DNAH9: variants seen among roughly 807,000 people sequenced by gnomAD.
DNAH9 encodes dynein axonemal heavy chain 9.
In DNAH9, 345 loss-of-function variants were observed where a neutral mutation model predicts 471.6. The observed-to-expected ratio is 0.73, with a 90% CI of 0.67 to 0.80. DNAH9 has a LOEUF of 0.80. DNAH9 is among the 30% of genes least tolerant of loss of function. DNAH9 has a pLI of 0.00. For synonymous variants in DNAH9, 2,093 were observed against 2,123.6 expected (o/e 0.99, Z 0.40); for missense variants, 5,407 against 5,609.2 (o/e 0.96, Z 1.15).
intron 9 of DNAH9, 35 bp downstream of exon 9, chr17:11,636,819 T>A (rs556895264): frequency 2.5e-6 from 4 of 1,597,336 alleles, no homozygotes; most frequent in Non-Finnish European, 3.4e-6. Context: ...ATGGGGACAT[T>A]CTGTTACTGG....
At chr17:11,880,349 G>A in intron 54 of DNAH9, 149 bp downstream of exon 54, 3 of 1,061,644 alleles carry the variant, frequency 2.8e-6, no homozygotes, top group Non-Finnish European at 2.6e-6. Flanking sequence ...CTTTCTTCCA[G>A]CAGAGGTCTA....
intron 59 of DNAH9, 87 bp from the exon 60 acceptor site, chr17:11,902,632 A>C (rs994962859): frequency 8.4e-7 from 1 of 1,195,802 alleles, no homozygotes; most frequent in Non-Finnish European, 1.2e-6. Context: ...TGTGTAGATA[A>C]GACCATCTGG....
At chr17:11,697,310 G>A (rs999032138) in intron 22 of DNAH9, among the ~76,000 whole-genome samples, 1 of 152,058 alleles carries the variant, frequency 6.6e-6, no homozygotes, top group Non-Finnish European at 1.5e-5. Flanking sequence ...AATGGTTAGG[G>A]TTAGAATTCA....
intron 61 of DNAH9, among the ~76,000 whole-genome samples, chr17:11,914,726 TC>T (rs542012837): frequency 2.6e-4 from 40 of 152,198 alleles, no homozygotes; most frequent in Non-Finnish European, 5.0e-4. Flanking sequence ...TTTCTTTGTT[TC>T]TTTGTCGGTG....
In DNAH9 at chr17:11,610,399, G is replaced by C; in HGVS notation, c.618G>C (p.Leu206Phe). ...GTTGTTGTTTTGTCTTTCACAGCTTGGATTCTATAGATAAGTCAGTCATCT... is the reference window on the plus strand; with the variant it reads ...GTTGTTGTTTTGTCTTTCACAGCTTCGATTCTATAGATAAGTCAGTCATCT... Reference protein sequence around the residue: ...EFADSKSETVLDSIDKSVIYA... With the variant: ...EFADSKSETVFDSIDKSVIYA... The change falls in exon 3 of 69, where the codon TTG becomes TTC. Residue 206 changes from leucine to phenylalanine, a missense_variant. Around this residue, in one of 3 missense-constraint regions of DNAH9, gnomAD observed 767 missense variants for 692.5 expected, o/e 1.11. Transcript: ENST00000262442. 1 of 1,611,444 alleles carries C rather than the reference G, an allele frequency of 6.2e-7. No individual in the cohort carries two copies. The highest frequency in any genetic ancestry group is 8.5e-7 in the Non-Finnish European group (1 of 1,178,942).
chr17:11,690,026 G>A lies in DNAH9; in HGVS notation c.4204G>A (p.Asp1402Asn). Residue 1402 changes from aspartate (D) to asparagine (N), a missense_variant, in exon 20 of 69, where the codon GAC becomes AAC. Transcript: ENST00000262442. ...CGGTGTGAGCTTCACTATGGACCAG[G>A]ACACCACCCTAGCGCACCTGCTGCA... is the stretch of plus-strand genomic sequence containing the variant. Reference protein sequence around the residue: ...ATGVSFTMDQDTTLAHLLQLQ... With the variant: ...ATGVSFTMDQNTTLAHLLQLQ... 6.2e-7 allele frequency: 1 copy of A among 1,614,200 alleles called. No individual in the cohort carries two copies. Among genetic ancestry groups the A allele is most frequent in the Non-Finnish European group, 8.5e-7 (1 of 1,180,026 alleles).
At position 11,902,835 on chromosome 17, in the gene DNAH9, G is replaced by A. The variant is rs150954681; in HGVS notation, c.11523G>A (p.Glu3841=). 433 of 1,613,916 alleles carry A rather than the reference G, an allele frequency of 2.7e-4. No homozygotes were observed. The highest frequency in any genetic ancestry group is 3.6e-4 in the Non-Finnish European group (424 of 1,179,890). Residue 3841 remains glutamate, a synonymous_variant, in exon 60 of 69, where the codon GAG becomes GAA. Transcript: ENST00000262442. ...CTGAGAAAGAGAAGCTCCCACAGGA[G>A]TGGAAGAACAAGACAGCCCTGCAGC... The part of the protein sequence containing the change: ...ECPEKEKLPQ[E]WKNKTALQRL...
chr17:11,751,856 T>TG (rs1429346580), intron 32 of DNAH9, among the ~76,000 whole-genome samples: 3 of 152,176 alleles, frequency 2.0e-5, no homozygotes, highest in Non-Finnish European at 2.9e-5. Context: ...TAGACATTAC[T>TG]GAAAAATTAC....
Position 11,753,679 on chromosome 17 carries a change from G to A in DNAH9, c.6738+719G>A, listed in dbSNP as rs149375457. Among the ~76,000 whole-genome samples, 245 of 152,298 alleles carry A rather than the reference G, an allele frequency of 1.6e-3. 1 individual carries two copies. The highest frequency in any genetic ancestry group is 5.5e-3 in the African/African-American group (230 of 41,560). On this transcript the variant is annotated intron_variant, in intron 33 of 68. Transcript: ENST00000262442. ...GAAACTCCATCTCCAAAAACTAGCT[G>A]GTGGCTGTTAAGCTGGTAGCTGTTT...
At chr17:11,696,878 A>AT (rs111249857) in intron 22 of DNAH9, among the ~76,000 whole-genome samples, 5 of 151,252 alleles carry the variant, frequency 3.3e-5, no homozygotes, top group South Asian at 2.1e-4. Flanking sequence ...AAATTAATTA[A>AT]TTTTTTTTTA....
At chr17:11,924,252 T>A (rs2286302) in intron 62 of DNAH9, among the ~76,000 whole-genome samples, 28,464 of 152,192 alleles carry the variant, frequency 0.19, 2,758 homozygotes, top group East Asian at 0.27. Flanking sequence ...TTGAAGGCCC[T>A]GGCAGCTGGA....
At chr17:11,602,932 A>G (rs975569200) in intron 1 of DNAH9, among the ~76,000 whole-genome samples, 1 of 152,100 alleles carries the variant, frequency 6.6e-6, no homozygotes, top group Non-Finnish European at 1.5e-5. Flanking sequence ...CAATCTCTTG[A>G]CCTTGGCTCC....
chr17:11,642,948 G>A (rs1020985805), intron 10 of DNAH9, among the ~76,000 whole-genome samples: 4 of 152,234 alleles, frequency 2.6e-5, no homozygotes, highest in African/African-American at 9.6e-5. Flanking sequence ...GCAGGCGCTA[G>A]GGCTTCTGTG....
At chr17:11,696,558 G>A (rs186913050) in intron 22 of DNAH9, among the ~76,000 whole-genome samples, 124 of 152,222 alleles carry the variant, frequency 8.1e-4, no homozygotes, top group African/African-American at 2.7e-3. Context: ...ACAAGCAGCA[G>A]ACAAGAGCTT....
intron 45 of DNAH9, among the ~76,000 whole-genome samples, chr17:11,815,802 AAGAAAAC>A (rs1349112588): frequency 6.6e-6 from 1 of 152,120 alleles, no homozygotes; most frequent in Admixed American, 6.6e-5. Context: ...AAAAAGAAAA[AAGAAAAC>A]AAACAAACAA....
At chr17:11,687,036 T>G (rs1027458347) in intron 19 of DNAH9, among the ~76,000 whole-genome samples, 3 of 152,202 alleles carry the variant, frequency 2.0e-5, no homozygotes, top group African/African-American at 7.2e-5. Context: ...TGATCTTTTT[T>G]GCTGGGCCCC....
At chr17:11,723,651 C>G (rs2075100903) in intron 27 of DNAH9, among the ~76,000 whole-genome samples, 1 of 152,024 alleles carries the variant, frequency 6.6e-6, no homozygotes, top group African/African-American at 2.4e-5. Flanking sequence ...TTCAAAATCA[C>G]TGTAAAAAAT....
At chr17:11,829,082 T>C (rs1185814079) in intron 48 of DNAH9, among the ~76,000 whole-genome samples, 1 of 152,210 alleles carries the variant, frequency 6.6e-6, no homozygotes, top group Non-Finnish European at 1.5e-5. Context: ...ACTGTGCACA[T>C]GGTATTCATT....
chr17:11,902,736 A>C lies in DNAH9; in HGVS notation c.11424A>C (p.Glu3808Asp). 6.2e-7 allele frequency: 1 copy of C among 1,608,486 alleles called. No individual in the cohort carries two copies. The highest frequency in any genetic ancestry group is 8.5e-7 in the Non-Finnish European group (1 of 1,178,186). The change falls in exon 60 of 69, where the codon GAA (glutamate) becomes GAC (aspartate). Residue 3808 changes from glutamate (E) to aspartate (D), a missense_variant. Physicochemically the swap from Glu to Asp is conservative, Grantham distance 45. Around this residue, in one of 3 missense-constraint regions of DNAH9, gnomAD observed 4,636 missense variants for 4,900.3 expected, o/e 0.95. Transcript: ENST00000262442. ...TTTCCCAGGTACTTTCATCAATGGA[A>C]GAATTCTCTAATCTGGATCGGGACA... is the stretch of plus-strand genomic sequence containing the variant. ...WGAVKVLSSM[E>D]EFSNLDRDIE...
Sources: gnomAD v4.1 joint callset for allele counts (sites outside exome capture counted in the v4.1 genomes callset) on GRCh38, gnomAD v4.1.1 for gene constraint, gnomAD v4.1.1 regional missense constraint, MANE v1.5 for transcripts, NCBI Gene and HGNC (gene_info 2026-07-23, HGNC 2026-07-21) for gene names.